DGKB: variants seen among roughly 807,000 people sequenced by gnomAD.
The protein encoded by DGKB is 90 kDa diacylglycerol kinase.
DGKB carries 67 observed loss-of-function variants against 114.3 expected under a neutral mutation model. The observed-to-expected ratio is 0.59, with a 90% CI of 0.48 to 0.72. The LOEUF is 0.72. DGKB is among the 30% of genes least tolerant of loss of function. The pLI, the probability that DGKB is intolerant of heterozygous loss-of-function variation, is 0.00. For missense variants in DGKB, 907 were observed against 975.2 expected (o/e 0.93, Z 0.93); for synonymous variants, 398 against 323.1 (o/e 1.23, Z -2.49).
chr7:14,331,244 A>G (rs1343726742), intron 23 of DGKB, among the ~76,000 whole-genome samples: 1 of 152,018 alleles, frequency 6.6e-6, no homozygotes, highest in Non-Finnish European at 1.5e-5. Context: ...GTATGCATAT[A>G]TTTTTGTGAA....
chr7:14,963,369 T>A (rs148840702), intron 1 of DGKB, among the ~76,000 whole-genome samples: 1,539 of 152,262 alleles, frequency 0.01, 79 homozygotes, highest in Admixed American at 0.083. Context: ...TCAGTTGATG[T>A]GCACATTTGT....
At chr7:14,712,199 A>C (rs1188317707) in intron 6 of DGKB, among the ~76,000 whole-genome samples, 1 of 152,142 alleles carries the variant, frequency 6.6e-6, no homozygotes, top group Non-Finnish European at 1.5e-5. Context: ...GGAGTGAAAA[A>C]CATAAGAAGA....
At chr7:14,631,132 C>T (rs964562084) in intron 13 of DGKB, among the ~76,000 whole-genome samples, 5 of 151,430 alleles carry the variant, frequency 3.3e-5, no homozygotes, top group Admixed American at 6.6e-5. Flanking sequence ...TTCCCTTTTC[C>T]TCCCTAGATA....
At position 14,885,199 on chromosome 7, in the gene DGKB, G is replaced by A. The variant is rs74476809; in HGVS notation, c.-188+17393C>T. Among the ~76,000 whole-genome samples, 1,185 of 152,022 alleles carry A rather than the reference G, an allele frequency of 7.8e-3. 11 individuals are homozygous for A. Among genetic ancestry groups the A allele is most frequent in the African/African-American group, 0.027 (1,135 of 41,490 alleles). On this transcript the variant is annotated intron_variant, in intron 1 of 25. Transcript: ENST00000402815. ...GAAGGAAAGGAGAGAATATCTACATGTAACTGAAGGGATTGCTAACACTGC... is the reference window on the plus strand; with the variant it reads ...GAAGGAAAGGAGAGAATATCTACATATAACTGAAGGGATTGCTAACACTGC...
intron 5 of DGKB, among the ~76,000 whole-genome samples, chr7:14,734,223 TA>T: frequency 6.6e-6 from 1 of 151,822 alleles, no homozygotes; most frequent in Non-Finnish European, 1.5e-5. Context: ...GTATTTTTAG[TA>T]GAGACGGGGT....
intron 2 of DGKB, among the ~76,000 whole-genome samples, chr7:14,828,278 C>A (rs147699448): frequency 5.9e-5 from 9 of 152,110 alleles, no homozygotes; most frequent in Admixed American, 1.3e-4. Flanking sequence ...ATAAATCTCT[C>A]CAAGATGTCT....
intron 21 of DGKB, among the ~76,000 whole-genome samples, chr7:14,476,953 T>A (rs1033470432): frequency 6.6e-6 from 1 of 151,996 alleles, no homozygotes; most frequent in Non-Finnish European, 1.5e-5. Flanking sequence ...GGTTTCCTCA[T>A]GTTGGTCAGG....
At chr7:14,812,624 C>T (rs1038460279) in intron 2 of DGKB, among the ~76,000 whole-genome samples, 1 of 152,146 alleles carries the variant, frequency 6.6e-6, no homozygotes, top group Non-Finnish European at 1.5e-5. Context: ...TAAGCTACAG[C>T]TCCCAGGGTC....
intron 23 of DGKB, among the ~76,000 whole-genome samples, chr7:14,263,463 T>C (rs1797053978): frequency 6.6e-6 from 1 of 152,218 alleles, no homozygotes; most frequent in Non-Finnish European, 1.5e-5. Context: ...TAGATTGCTA[T>C]TCCTGAAGTA....
chr7:14,680,322 T>A (rs1820613119), intron 12 of DGKB, among the ~76,000 whole-genome samples: 1 of 152,028 alleles, frequency 6.6e-6, no homozygotes, highest in South Asian at 2.1e-4. Flanking sequence ...AGCTATTCAA[T>A]GGTATTTAGT....
At position 14,275,186 on chromosome 7, in the gene DGKB, T is replaced by C. The variant is rs144481597; in HGVS notation, c.2122+63329A>G. On this transcript the variant is annotated intron_variant, in intron 23 of 25. Coordinates refer to ENST00000402815, the MANE Select transcript of DGKB (RefSeq NM_001350709.2). Reference sequence around the variant, plus strand: ...TTCTATGTTTATTCTCATGACATTATAGATTTGTTTTGCTTTGTATTGTTT... The same window carrying C: ...TTCTATGTTTATTCTCATGACATTACAGATTTGTTTTGCTTTGTATTGTTT... 5.3e-5 allele frequency among the ~76,000 whole-genome samples: 8 copies of C among 152,320 alleles called. No homozygotes were observed. The East Asian group carries it at 1.5e-3, about 29-fold the overall frequency.
In DGKB at chr7:14,661,737, T is replaced by C. The variant is rs536456308; in HGVS notation, c.1134+11192A>G. ...CCCAAAGGACTATAAATCATGCTGCTATAAAGACACATGCACACGTATGTT... is the reference window on the plus strand; with the variant it reads ...CCCAAAGGACTATAAATCATGCTGCCATAAAGACACATGCACACGTATGTT... On this transcript the variant is annotated intron_variant, in intron 13 of 25. Coordinates refer to ENST00000402815, the MANE Select transcript of DGKB (RefSeq NM_001350709.2). 8.0e-3 allele frequency among the ~76,000 whole-genome samples: 1,213 copies of C among 151,684 alleles called. 19 individuals are homozygous for C. The highest frequency in any genetic ancestry group is 0.028 in the African/African-American group (1,175 of 41,434).
At chr7:14,252,345 TTACTTTGA>T (rs1174132474) in intron 23 of DGKB, among the ~76,000 whole-genome samples, 3 of 152,176 alleles carry the variant, frequency 2.0e-5, no homozygotes, top group African/African-American at 4.8e-5. Context: ...TACTGGTGCT[TTACTTTGA>T]TACTTTGATA....
chr7:14,178,552 G>C (rs1240977821), intron 23 of DGKB, among the ~76,000 whole-genome samples: 1 of 152,002 alleles, frequency 6.6e-6, no homozygotes, highest in South Asian at 2.1e-4. Context: ...AAAATATGAG[G>C]ATATGCTGTC....
intron 2 of DGKB, among the ~76,000 whole-genome samples, chr7:14,789,451 T>G (rs1840356195): frequency 6.6e-6 from 1 of 152,206 alleles, no homozygotes. Flanking sequence ...TGAATACTAT[T>G]CTGTGGTATA....
chr7:14,589,137 G>A (rs1437177512), intron 17 of DGKB, among the ~76,000 whole-genome samples: 1 of 151,728 alleles, frequency 6.6e-6, no homozygotes, highest in East Asian at 1.9e-4. Flanking sequence ...TCGTTGTTTT[G>A]TGGTTTTTGT....
chr7:14,169,270 C>A (rs1159566564), intron 25 of DGKB, among the ~76,000 whole-genome samples: 1 of 147,256 alleles, frequency 6.8e-6, no homozygotes, highest in African/African-American at 2.5e-5. Flanking sequence ...GAGGCTGAGG[C>A]AGGAGAATGG....
chr7:14,694,992 T>C lies in DGKB; in HGVS notation c.592-798A>G, dbSNP rs1823561870. Among the ~76,000 whole-genome samples, 3 of 152,306 alleles carry C rather than the reference T, an allele frequency of 2.0e-5. No individual in the cohort carries two copies. The South Asian group carries it at 6.2e-4, about 32-fold the overall frequency. On this transcript the variant is annotated intron_variant, in intron 8 of 25. Coordinates refer to ENST00000402815, the MANE Select transcript of DGKB (RefSeq NM_001350709.2). The stretch of plus-strand genomic sequence containing the variant: ...AAGATGGCAAACATGGTAAGAATTC[T>C]AATGAAGAAAGGAACTCACGTCTTT...
intron 23 of DGKB, among the ~76,000 whole-genome samples, chr7:14,205,692 C>T (rs1432961995): frequency 6.6e-6 from 1 of 151,954 alleles, no homozygotes; most frequent in Admixed American, 6.6e-5. Flanking sequence ...TCACCCAAGT[C>T]CCTGCCCAGT....
Sources: gnomAD v4.1 joint callset for allele counts (sites outside exome capture counted in the v4.1 genomes callset) on GRCh38, gnomAD v4.1.1 for gene constraint, MANE v1.5 for transcripts, NCBI Gene and HGNC (gene_info 2026-07-23, HGNC 2026-07-21) for gene names.